The following PRPF18 variants were observed in gnomAD, a reference collection of about 807,000 sequenced individuals.
The protein encoded by PRPF18 is pre-mRNA processing factor 18.
In PRPF18, 38 loss-of-function variants were observed where a neutral mutation model predicts 46.5. The observed-to-expected ratio is 0.82, with a 90% CI of 0.63 to 1.07. The LOEUF (loss-of-function observed/expected upper bound fraction) is 1.07. PRPF18 is among the 50% of genes least tolerant of loss of function. PRPF18 has a pLI of 0.00. For synonymous variants in PRPF18, 152 were observed against 146.7 expected, an observed-to-expected ratio of 1.04 and a Z score of -0.26; for missense variants, 263 against 410.0, an observed-to-expected ratio of 0.64 and a Z score of 3.10.
chr10:13,614,363 T>C lies in PRPF18; in HGVS notation c.792+277T>C, dbSNP rs556146686. Among the ~76,000 whole-genome samples, 6 of 152,360 alleles carry C rather than the reference T, an allele frequency of 3.9e-5. No individual in the cohort carries two copies. In the South Asian group the frequency reaches 1.2e-3, roughly 32 times the overall value. ...GGTTCTTCAGAGCATGAACTTTATA[T>C]AGGCAGTGTTCATTTTATGAATTTC... is the stretch of plus-strand genomic sequence containing the variant. On this transcript the variant is annotated intron_variant, in intron 8 of 9. Transcript: ENST00000378572.
intron 8 of PRPF18, among the ~76,000 whole-genome samples, chr10:13,614,620 C>T (rs964653557): frequency 3.9e-5 from 6 of 152,192 alleles, no homozygotes; most frequent in Non-Finnish European, 8.8e-5. Context: ...TTGCAGACCC[C>T]TGCAGTGGAA....
chr10:13,595,751 G>A (rs181984578), intron 1 of PRPF18, among the ~76,000 whole-genome samples: 123 of 152,196 alleles, frequency 8.1e-4, no homozygotes, highest in African/African-American at 2.1e-3. Context: ...CTTTATTTCC[G>A]TAAAACTGTG....
At chr10:13,622,797 T>C (rs1019706368) in intron 9 of PRPF18, among the ~76,000 whole-genome samples, 2 of 152,236 alleles carry the variant, frequency 1.3e-5, no homozygotes, top group Non-Finnish European at 2.9e-5. Flanking sequence ...CAGCCTGCAG[T>C]TGCCCTTATC....
chr10:13,650,233 T>C, the PRPF18 span, among the ~76,000 whole-genome samples: 1 of 152,170 alleles, frequency 6.6e-6, no homozygotes, highest in African/African-American at 2.4e-5. Flanking sequence ...AACGTATAAC[T>C]AACTTACAGA....
chr10:13,624,071 A>AC (rs1055943599), intron 9 of PRPF18, among the ~76,000 whole-genome samples: 8 of 152,066 alleles, frequency 5.3e-5, no homozygotes, highest in Non-Finnish European at 1.0e-4. Context: ...TGCAACTTCC[A>AC]CCCCCCAGGT....
the PRPF18 span, chr10:13,655,121 A>G: frequency 1.3e-5 from 2 of 152,360 alleles, no homozygotes; most frequent in African/African-American, 4.8e-5. Flanking sequence ...TGTAGGCAGC[A>G]TGGAAGTCCA....
At chr10:13,648,532 T>C in the PRPF18 span, 1 of 152,142 alleles carries the variant, frequency 6.6e-6, no homozygotes, top group Non-Finnish European at 1.5e-5. Context: ...GCCGGGCCAA[T>C]GAGAGTCCCC....
the PRPF18 span, among the ~76,000 whole-genome samples, chr10:13,649,851 T>G: frequency 4.8e-3 from 729 of 152,334 alleles, 3 homozygotes; most frequent in Non-Finnish European, 8.5e-3. Flanking sequence ...ATGGGGCCAC[T>G]AAATAGTTGC....
intron 5 of PRPF18, 83 bp from the exon 6 acceptor site, chr10:13,611,532 C>T: frequency 9.1e-7 from 1 of 1,100,522 alleles, no homozygotes; most frequent in Non-Finnish European, 1.4e-6. Context: ...GACCAAGAGC[C>T]ATGTTTAGAC....
In PRPF18 at chr10:13,614,443, C is replaced by T. The variant is rs576591638; in HGVS notation, c.792+357C>T. Reference sequence around the variant, plus strand: ...GGAACAAATTTTCCCATAGAAACAACGTTGTATAGATGAGTTTCCCAGGAT... The same window carrying T: ...GGAACAAATTTTCCCATAGAAACAATGTTGTATAGATGAGTTTCCCAGGAT... On this transcript the variant is annotated intron_variant, in intron 8 of 9. Coordinates refer to ENST00000378572, the MANE Select transcript of PRPF18 (RefSeq NM_003675.4). 3.9e-5 allele frequency among the ~76,000 whole-genome samples: 6 copies of T among 152,234 alleles called. No homozygotes were observed. The East Asian group carries it at 9.6e-4, about 24-fold the overall frequency.
intron 5 of PRPF18, among the ~76,000 whole-genome samples, chr10:13,610,938 T>A (rs2080260537): frequency 6.6e-6 from 1 of 152,226 alleles, no homozygotes; most frequent in East Asian, 1.9e-4. Context: ...GTGTATAATC[T>A]TAATTAAAAA....
chr10:13,630,438 A>G lies in PRPF18; in HGVS notation c.*98A>G, dbSNP rs2080579629. ...AGGAATGAGGAAAGAAGAAAACTGG[A>G]GTTTCCAGTCTCTGAGTTCTACCTG... On this transcript the variant is annotated 3_prime_UTR_variant, in exon 10 of 10. Coordinates refer to ENST00000378572, the MANE Select transcript of PRPF18 (RefSeq NM_003675.4). 19 of 981,734 alleles carry G rather than the reference A, an allele frequency of 1.9e-5. No individual in the cohort carries two copies. The highest frequency in any genetic ancestry group is 2.9e-5 in the Non-Finnish European group (19 of 658,152). The allele number at this position is 981,734 out of a possible 1,614,324, so 60.8% of individuals were successfully genotyped here.
the PRPF18 span, chr10:13,639,112 G>C: frequency 6.6e-6 from 1 of 152,182 alleles, no homozygotes; most frequent in Non-Finnish European, 1.5e-5. Flanking sequence ...ATAGATGTGA[G>C]AGCATTTACT....
At chr10:13,607,526 C>T (rs1236947335) in intron 4 of PRPF18, among the ~76,000 whole-genome samples, 1 of 152,150 alleles carries the variant, frequency 6.6e-6, no homozygotes, top group Admixed American at 6.5e-5. Context: ...GATCTCCCAC[C>T]TCAGCCTTCC....
chr10:13,615,844 C>T (rs890126897), intron 8 of PRPF18, among the ~76,000 whole-genome samples: 4 of 152,040 alleles, frequency 2.6e-5, no homozygotes, highest in Admixed American at 1.3e-4. Context: ...TTCAGCTATT[C>T]GACTGGAGGG....
At chr10:13,588,507 TTCAGGCTGCAGTGAGC>T (rs1474287047) in intron 1 of PRPF18, among the ~76,000 whole-genome samples, 2 of 150,608 alleles carry the variant, frequency 1.3e-5, no homozygotes, top group African/African-American at 4.9e-5. Context: ...AGCCCAGGAG[TTCAGGCTGCAGTGAGC>T]TATCATCGTG....
chr10:13,641,747 T>C, the PRPF18 span: 1 of 152,264 alleles, frequency 6.6e-6, no homozygotes, highest in African/African-American at 2.4e-5. Flanking sequence ...TGGCAAGTGA[T>C]ATTAGATGAG....
chr10:13,613,732 T>C lies in PRPF18; in HGVS notation c.580-9T>C. Reference sequence around the variant, plus strand: ...CATTGTAGTCTAAGTTTACCCATCCTTTCAACAGTTTCTTCTTGGCGTTTG... The same window carrying C: ...CATTGTAGTCTAAGTTTACCCATCCCTTCAACAGTTTCTTCTTGGCGTTTG... On this transcript the variant is annotated splice_polypyrimidine_tract_variant and intron_variant, in intron 6 of 9. Transcript: ENST00000378572. 3 of 1,610,350 alleles carry C rather than the reference T, an allele frequency of 1.9e-6. No individual in the cohort carries two copies. Among genetic ancestry groups the C allele is most frequent in the Non-Finnish European group, 2.5e-6 (3 of 1,178,986 alleles).
At chr10:13,652,997 G>A in the PRPF18 span, 2 of 151,958 alleles carry the variant, frequency 1.3e-5, no homozygotes, top group Non-Finnish European at 2.9e-5. Flanking sequence ...CCCTCCAGCT[G>A]TCAGACTTTG....
Sources: gnomAD v4.1 joint callset for allele counts (sites outside exome capture counted in the v4.1 genomes callset) on GRCh38, gnomAD v4.1.1 for gene constraint, MANE v1.5 for transcripts, NCBI Gene and HGNC (gene_info 2026-07-23, HGNC 2026-07-21) for gene names.